The following BRWD3 variants were observed in gnomAD, a reference collection of about 807,000 sequenced individuals.
The protein encoded by BRWD3 is bromodomain and WD repeat-containing protein 3.
A neutral mutation model predicts 149.7 loss-of-function variants in BRWD3; 10 were observed. The ratio of observed to expected loss-of-function variants is 0.07; its 90% CI spans 0.04 to 0.11. The LOEUF (loss-of-function observed/expected upper bound fraction) is 0.11. BRWD3 is among the 10% of genes least tolerant of loss of function. The probability of loss-of-function intolerance (pLI) is 1.00; values close to 1 mark genes in which losing one functional copy is unlikely to be tolerated. For missense variants in BRWD3, 940 were observed against 1,373.2 expected (o/e 0.68, Z 4.99); for synonymous variants, 504 against 456.7 (o/e 1.10, Z -1.32).
chrX:80,768,967 A>C lies in BRWD3; in HGVS notation c.430+22887T>G, dbSNP rs749667916. Among the ~76,000 whole-genome samples the C allele has an allele frequency of 2.7e-5, 3 of 111,688 alleles. No individual in the cohort carries two copies. In the South Asian group the frequency reaches 1.1e-3, roughly 42 times the overall value. ...CTAGTCTCTGATAAAACAGACTTTA[A>C]ATCAACAAAGATCAAAAGAAACAAA... On this transcript the variant is annotated intron_variant, in intron 6 of 40. Coordinates refer to ENST00000373275, the MANE Select transcript of BRWD3 (RefSeq NM_153252.5).
chrX:80,739,794 T>C (rs1273120801), intron 8 of BRWD3, among the ~76,000 whole-genome samples: 3 of 111,489 alleles, frequency 2.7e-5, no homozygotes, highest in African/African-American at 9.8e-5. Context: ...CTAATAATAA[T>C]GTTATAAAAT....
intron 4 of BRWD3, among the ~76,000 whole-genome samples, chrX:80,799,722 C>A (rs754870363): frequency 7.3e-5 from 8 of 109,991 alleles, no homozygotes; most frequent in South Asian, 3.9e-4. Context: ...AGCTGTTACT[C>A]TTTTTTGGCA....
chrX:80,713,839 C>G (rs2147738656), intron 20 of BRWD3, among the ~76,000 whole-genome samples: 1 of 112,340 alleles, frequency 8.9e-6, no homozygotes, highest in South Asian at 3.7e-4. Context: ...TTCTCTTGCT[C>G]AAATTCCTAT....
At chrX:80,808,051 G>T (rs1294131307) in intron 4 of BRWD3, among the ~76,000 whole-genome samples, 1 of 44,019 alleles carries the variant, frequency 2.3e-5, no homozygotes, top group African/African-American at 9.1e-5. Flanking sequence ...TTCCTCCCAC[G>T]CCTCCCCCCT....
intron 6 of BRWD3, among the ~76,000 whole-genome samples, chrX:80,767,176 G>A (rs960496580): frequency 4.5e-5 from 5 of 112,341 alleles, no homozygotes; most frequent in Non-Finnish European, 7.5e-5. Context: ...CTCCCTGTCT[G>A]ACAGCTCTGA....
chrX:80,808,218 G>C (rs2074369432), intron 4 of BRWD3, among the ~76,000 whole-genome samples: 1 of 108,974 alleles, frequency 9.2e-6, no homozygotes, highest in Non-Finnish European at 1.9e-5. Context: ...CGTGCCCCAA[G>C]ATAACCCCTT....
rs1317458429 is a variant in BRWD3 at position 80,780,996 on chromosome X, A to G, written c.430+10858T>C. On this transcript the variant is annotated intron_variant, in intron 6 of 40. Coordinates refer to ENST00000373275, the MANE Select transcript of BRWD3 (RefSeq NM_153252.5). The stretch of plus-strand genomic sequence containing the variant: ...TAACGACACAATGGCCAATAAGTCA[A>G]GAGTCAATCAATGCTAAATAAAAGC... 4.5e-5 allele frequency among the ~76,000 whole-genome samples: 5 copies of G among 112,209 alleles called. No individual in the cohort carries two copies. In the Admixed American group the frequency reaches 4.7e-4, roughly 11 times the overall value.
intron 2 of BRWD3, 38 bp from the exon 3 acceptor site, chrX:80,809,080 G>C (rs374260917): frequency 1.3e-3 from 1,536 of 1,173,074 alleles, no homozygotes; most frequent in Non-Finnish European, 1.6e-3. Flanking sequence ...GGAGCAGCTC[G>C]GGCCATCAAC....
intron 6 of BRWD3, among the ~76,000 whole-genome samples, chrX:80,754,637 A>G (rs1044925811): frequency 1.8e-5 from 2 of 112,273 alleles, no homozygotes; most frequent in African/African-American, 6.5e-5. Flanking sequence ...CACTAGCTGT[A>G]GGTTTATCAT....
chrX:80,721,709 C>T (rs2073152188), intron 17 of BRWD3, among the ~76,000 whole-genome samples: 1 of 111,969 alleles, frequency 8.9e-6, no homozygotes, highest in Non-Finnish European at 1.9e-5. Flanking sequence ...TCATATATCA[C>T]ATTCATCTCT....
At chrX:80,677,475 G>A (rs992635294) in intron 40 of BRWD3, 112 bp from the exon 41 acceptor site, 3 of 1,006,270 alleles carry the variant, frequency 3.0e-6, no homozygotes, top group African/African-American at 3.9e-5. Context: ...CAATCATGGA[G>A]GGTGTCAGAC....
chrX:80,742,542 T>G (rs2073529497), intron 8 of BRWD3, among the ~76,000 whole-genome samples: 1 of 110,405 alleles, frequency 9.1e-6, no homozygotes, highest in Non-Finnish European at 1.9e-5. Flanking sequence ...TGGAATGTTC[T>G]TCCATTTGTT....
chrX:80,723,602 T>A (rs2073181451), intron 16 of BRWD3, 146 bp downstream of exon 16: 1 of 595,490 alleles, frequency 1.7e-6, no homozygotes. Flanking sequence ...AGATCACAAT[T>A]GAGAACCTTT....
intron 6 of BRWD3, among the ~76,000 whole-genome samples, chrX:80,774,903 C>T (rs1299180109): frequency 1.8e-5 from 2 of 111,639 alleles, no homozygotes; most frequent in African/African-American, 6.5e-5. Flanking sequence ...TCTCTCCTCT[C>T]CAGTTTATCA....
chrX:80,676,679 G>C lies in BRWD3; in HGVS notation c.5339C>G (p.Ser1780Cys), dbSNP rs2147666691. 1 of 1,208,465 alleles carries C rather than the reference G, an allele frequency of 8.3e-7. No individual in the cohort carries two copies. Among genetic ancestry groups the C allele is most frequent in the South Asian group, 1.8e-5 (1 of 56,715 alleles). The stretch of plus-strand genomic sequence containing the variant: ...CATTTTACGCACTCTGCCTGATCTG[G>C]ATGTACCAAGATTCAGAGGATCCTC... ...STEDPLNLGT[S>C]RSGRVRKMTE... Residue 1780 changes from serine to cysteine, a missense_variant, in exon 41 of 41, where the codon TCC (serine) becomes TGC (cysteine). Ser to Cys is a moderately radical substitution (Grantham distance 112). Transcript: ENST00000373275.
chrX:80,738,101 A>C (rs777780460), intron 8 of BRWD3, among the ~76,000 whole-genome samples: 1 of 112,485 alleles, frequency 8.9e-6, no homozygotes, highest in South Asian at 3.7e-4. Context: ...ATTAAATATG[A>C]AATAGTATAA....
chrX:80,699,434 T>C (rs1279470164), intron 25 of BRWD3, among the ~76,000 whole-genome samples: 1 of 111,017 alleles, frequency 9.0e-6, no homozygotes, highest in Admixed American at 9.6e-5. Flanking sequence ...CATATATATA[T>C]ACACATATAT....
intron 4 of BRWD3, among the ~76,000 whole-genome samples, chrX:80,800,502 T>A (rs1346511509): frequency 1.0e-5 from 1 of 99,031 alleles, no homozygotes; most frequent in African/African-American, 3.8e-5. Flanking sequence ...ATCGAGCCAC[T>A]GCACTCCAGC....
chrX:80,751,729 C>T (rs2073669849), intron 6 of BRWD3, among the ~76,000 whole-genome samples: 1 of 110,256 alleles, frequency 9.1e-6, no homozygotes, highest in East Asian at 2.9e-4. Context: ...CAGCCTCACC[C>T]TTCTGAGTCT....
Sources: allele counts gnomAD v4.1 joint callset (sites outside exome capture counted in the v4.1 genomes callset), GRCh38; gene constraint gnomAD v4.1.1; transcripts MANE v1.5; gene names NCBI Gene and HGNC (gene_info 2026-07-23, HGNC 2026-07-21).